Variants in LDLRAD4 observed in about 807,000 individuals in gnomAD.
LDLRAD4 encodes the protein low-density lipoprotein receptor class A domain-containing protein 4.
LDLRAD4 carries 5 observed loss-of-function variants against 17.0 expected under a neutral mutation model. That is an observed-to-expected ratio of 0.29 (90% CI 0.15 to 0.62). The LOEUF (loss-of-function observed/expected upper bound fraction) is 0.62. LDLRAD4 is among the 20% of genes least tolerant of loss of function. The probability of loss-of-function intolerance (pLI) is 0.84; values close to 1 mark genes in which losing one functional copy is unlikely to be tolerated. For synonymous variants in LDLRAD4, 168 were observed against 171.8 expected (o/e 0.98, Z 0.17); for missense variants, 340 against 424.7 (o/e 0.80, Z 1.75).
chr18:13,328,156 G>A (rs1188848748), intron 1 of LDLRAD4, among the ~76,000 whole-genome samples: 4 of 152,160 alleles, frequency 2.6e-5, no homozygotes, highest in Non-Finnish European at 4.4e-5. Flanking sequence ...ATACAAAGCC[G>A]CTGACCTTGG....
chr18:13,624,264 G>A (rs895643687), intron 4 of LDLRAD4, among the ~76,000 whole-genome samples: 4 of 152,220 alleles, frequency 2.6e-5, no homozygotes, highest in African/African-American at 7.2e-5. Context: ...GTCTCTCTAG[G>A]CTGGCTCTGA....
intron 1 of LDLRAD4, among the ~76,000 whole-genome samples, chr18:13,307,297 C>T (rs779357046): frequency 2.0e-5 from 3 of 152,136 alleles, no homozygotes; most frequent in Non-Finnish European, 4.4e-5. Flanking sequence ...CCCTGACTCT[C>T]CCTCCTCCCC....
chr18:13,224,378 G>T (rs2041633497), intron 1 of LDLRAD4, among the ~76,000 whole-genome samples: 1 of 152,158 alleles, frequency 6.6e-6, no homozygotes, highest in Non-Finnish European at 1.5e-5. Flanking sequence ...CTGGGTCTGG[G>T]GGTGTGTGCT....
At chr18:13,274,342 C>G (rs376816403), upstream of LDLRAD4, among the ~76,000 whole-genome samples, 1 of 152,140 alleles carries the variant, frequency 6.6e-6, no homozygotes, top group Admixed American at 6.5e-5. Flanking sequence ...GGGGAGGGGT[C>G]GGCCAGTGAC....
Position 13,551,015 on chromosome 18 carries a change from G to C in LDLRAD4, c.182-70102G>C, listed in dbSNP as rs924994604. On this transcript the variant is annotated intron_variant, in intron 3 of 5. Coordinates refer to ENST00000359446, the Ensembl canonical transcript of LDLRAD4. The stretch of plus-strand genomic sequence containing the variant: ...GCCCAGGGGCTTGACCTCTGCCTCT[G>C]GGGGATAGCAGAGCACTGGGCCCTT... Among the ~76,000 whole-genome samples, 5 of 152,222 alleles carry C rather than the reference G, an allele frequency of 3.3e-5. No individual in the cohort carries two copies. The East Asian group carries it at 9.7e-4, about 29-fold the overall frequency.
At chr18:13,600,988 T>A (rs1006609414) in intron 3 of LDLRAD4, among the ~76,000 whole-genome samples, 1 of 152,174 alleles carries the variant, frequency 6.6e-6, no homozygotes, top group Non-Finnish European at 1.5e-5. Context: ...AGACCATGTT[T>A]CTCCTTATCT....
At chr18:13,281,155 G>T (rs535037291) in intron 1 of LDLRAD4, among the ~76,000 whole-genome samples, 2 of 152,200 alleles carry the variant, frequency 1.3e-5, no homozygotes, top group South Asian at 4.1e-4. Context: ...GAGAGGCTAA[G>T]GCAGGAGTAT....
In LDLRAD4 at chr18:13,460,698, G is replaced by C. The variant is rs998396263; in HGVS notation, c.181+22314G>C. Reference sequence around the variant, plus strand: ...TTAAGGCAGACAGTTCATACCTCCTGAGTTTTTGGAACATGTGTCTCTCTT... The same window carrying C: ...TTAAGGCAGACAGTTCATACCTCCTCAGTTTTTGGAACATGTGTCTCTCTT... On this transcript the variant is annotated intron_variant, in intron 3 of 5. Coordinates refer to ENST00000359446, the Ensembl canonical transcript of LDLRAD4. 4.6e-5 allele frequency among the ~76,000 whole-genome samples: 7 copies of C among 152,348 alleles called. No homozygotes were observed. The East Asian group carries it at 1.3e-3, about 29-fold the overall frequency.
intron 3 of LDLRAD4, among the ~76,000 whole-genome samples, chr18:13,559,650 T>C (rs991589890): frequency 3.3e-5 from 5 of 152,158 alleles, no homozygotes; most frequent in Non-Finnish European, 5.9e-5. Context: ...ACATTTTATA[T>C]ATGTATATAT....
At chr18:13,387,715 G>T (rs1599850123) in exon 2 of LDLRAD4, 5 of 1,613,842 alleles carry the variant, frequency 3.1e-6, no homozygotes, top group South Asian at 2.2e-5. Context: ...GCTTGTCCGG[G>T]GAGCAGTATG....
chr18:13,617,964 A>G (rs1260943609), intron 3 of LDLRAD4, among the ~76,000 whole-genome samples: 1 of 152,210 alleles, frequency 6.6e-6, no homozygotes, highest in Non-Finnish European at 1.5e-5. Context: ...GGGTCCAGAA[A>G]TGTCACTTTT....
At chr18:13,460,063 A>C (rs1416040520) in intron 3 of LDLRAD4, 3 of 154,118 alleles carry the variant, frequency 1.9e-5, no homozygotes, top group Non-Finnish European at 4.4e-5. Flanking sequence ...ATTTCACTGC[A>C]GTTTCTCCAG....
intron 3 of LDLRAD4, among the ~76,000 whole-genome samples, chr18:13,452,600 G>A (rs2091905529): frequency 6.6e-6 from 1 of 152,194 alleles, no homozygotes; most frequent in Admixed American, 6.5e-5. Context: ...GCTGCTATGA[G>A]TCAGCCTGGG....
intron 1 of LDLRAD4, among the ~76,000 whole-genome samples, chr18:13,271,658 G>T (rs1220815337): frequency 6.6e-6 from 1 of 152,208 alleles, no homozygotes; most frequent in African/African-American, 2.4e-5. Context: ...GGTTGGCCTT[G>T]TCCTGTCTTC....
intron 3 of LDLRAD4, among the ~76,000 whole-genome samples, chr18:13,477,455 C>T (rs28731451): frequency 0.057 from 8,745 of 152,242 alleles, 747 homozygotes; most frequent in African/African-American, 0.19. Context: ...CTCTATCAGG[C>T]GGGATACTTG....
intron 1 of LDLRAD4, among the ~76,000 whole-genome samples, chr18:13,250,629 C>T (rs1174938755): frequency 6.6e-6 from 1 of 151,886 alleles, no homozygotes; most frequent in Non-Finnish European, 1.5e-5. Context: ...AGTAAAAAAC[C>T]TAGAGGAAAT....
At chr18:13,419,512 A>C (rs546292327) in intron 2 of LDLRAD4, 1 of 152,280 alleles carries the variant, frequency 6.6e-6, no homozygotes, top group Admixed American at 6.5e-5. Flanking sequence ...GAGTCTTTTA[A>C]GTTCTTTACG....
chr18:13,578,398 A>T (rs1173575496), intron 3 of LDLRAD4, among the ~76,000 whole-genome samples: 5 of 152,296 alleles, frequency 3.3e-5, no homozygotes, highest in African/African-American at 1.2e-4. Context: ...GTCTCAGGAG[A>T]TGGGGATGGT....
chr18:13,490,886 C>T (rs924616466), intron 3 of LDLRAD4, among the ~76,000 whole-genome samples: 2 of 152,200 alleles, frequency 1.3e-5, no homozygotes, highest in African/African-American at 4.8e-5. Flanking sequence ...CCAGCTAAAG[C>T]TTCTGCACCC....
Sources: gnomAD v4.1 joint callset for allele counts (sites outside exome capture counted in the v4.1 genomes callset) on GRCh38, gnomAD v4.1.1 for gene constraint, MANE v1.5 for transcripts, NCBI Gene and HGNC (gene_info 2026-07-23, HGNC 2026-07-21) for gene names.